The following OSBP2 variants were observed in gnomAD, a reference collection of about 807,000 sequenced individuals.
OSBP2 encodes the protein oxysterol binding protein 2.
In OSBP2, 66 loss-of-function variants were observed where a neutral mutation model predicts 96.0. The ratio of observed to expected loss-of-function variants is 0.69; its 90% CI spans 0.56 to 0.84. OSBP2 has a LOEUF of 0.84. Ranked by LOEUF, OSBP2 falls within the 40% of genes least tolerant of loss-of-function variation. The pLI, the probability that OSBP2 is intolerant of heterozygous loss-of-function variation, is 0.00. For synonymous variants in OSBP2, 525 were observed against 520.9 expected, an observed-to-expected ratio of 1.01 and a Z score of -0.11; for missense variants, 1,038 against 1,222.7, an observed-to-expected ratio of 0.85 and a Z score of 2.25.
chr22:30,793,415 C>T (rs1393117675), intron 2 of OSBP2, among the ~76,000 whole-genome samples: 8 of 152,018 alleles, frequency 5.3e-5, no homozygotes, highest in African/African-American at 1.9e-4. Flanking sequence ...CCAGTAATCC[C>T]AGCACTTTGG....
intron 2 of OSBP2, among the ~76,000 whole-genome samples, chr22:30,765,768 C>CT (rs1439657841): frequency 2.0e-5 from 3 of 152,178 alleles, no homozygotes; most frequent in Admixed American, 1.3e-4. Context: ...TGCATTGTAT[C>CT]TGAGTTTTTG....
chr22:30,822,430 C>T (rs1260857459), intron 2 of OSBP2: 4 of 1,058,496 alleles, frequency 3.8e-6, no homozygotes, highest in Non-Finnish European at 4.9e-6. Context: ...GGGCTCGGCT[C>T]CCGCGGCGCG....
At chr22:30,797,456 G>A (rs543560510) in intron 2 of OSBP2, among the ~76,000 whole-genome samples, 52 of 151,894 alleles carry the variant, frequency 3.4e-4, no homozygotes, top group African/African-American at 1.1e-3. Flanking sequence ...TTAATTTTTT[G>A]TATCTTTAGT....
chr22:30,874,567 C>T (rs1233259107), intron 3 of OSBP2, among the ~76,000 whole-genome samples: 3 of 152,162 alleles, frequency 2.0e-5, no homozygotes, highest in Non-Finnish European at 2.9e-5. Context: ...GAGCCCAGGA[C>T]CCACAGCTAG....
chr22:30,699,115 G>T (rs549682889), intron 1 of OSBP2, among the ~76,000 whole-genome samples: 3 of 151,666 alleles, frequency 2.0e-5, no homozygotes, highest in Admixed American at 1.3e-4. Flanking sequence ...CTAATTTTTT[G>T]TGTGTTTTTA....
At chr22:30,889,394 T>C (rs2039892590) in intron 6 of OSBP2, 96 bp from the exon 7 acceptor site, 1 of 1,499,846 alleles carries the variant, frequency 6.7e-7, no homozygotes, top group Non-Finnish European at 9.2e-7. Context: ...AGTGGCCGGC[T>C]TGGTGCCAGT....
chr22:30,907,302 C>G lies in OSBP2; in HGVS notation c.*963C>G, dbSNP rs1262146022. 1.3e-5 allele frequency: 2 copies of G among 152,010 alleles called. No homozygotes were observed. Among genetic ancestry groups the G allele is most frequent in the African/African-American group, 4.8e-5 (2 of 41,288 alleles). The allele number at this position is 152,010 out of a possible 1,614,324, so 9.4% of individuals were successfully genotyped here. On this transcript the variant is annotated 3_prime_UTR_variant, in exon 14 of 14. Transcript: ENST00000332585. ...GCCCCATCTCAGTGTCCCCTGAACT[C>G]TTTATTTGCCTAATTTATATATATA... is the stretch of plus-strand genomic sequence containing the variant.
Position 30,870,453 on chromosome 22 carries a change from C to G in OSBP2, c.878C>G (p.Ala293Gly). Residue 293 changes from alanine (A) to glycine (G), a missense_variant, in exon 3 of 14, where the codon GCT becomes GGT. Ala to Gly is a moderately conservative substitution (Grantham distance 60, BLOSUM62 0). This residue lies in a region of OSBP2 where 737 missense variants were observed against 913.3 expected (regional missense o/e 0.81). Transcript: ENST00000332585. This position sits in a 1 kb window ranked among gnomAD's most constrained non-coding sequence, Gnocchi z 4.1. ...GATGACTCTGGGGACGACGACGAGG[C>G]TACCACCCCAGCCGACAAGAGCGAG... ...HSDDSGDDDE[A>G]TTPADKSELH... 6.2e-7 allele frequency: 1 copy of G among 1,613,998 alleles called. No individual in the cohort carries two copies. Among genetic ancestry groups the G allele is most frequent in the Non-Finnish European group, 8.5e-7 (1 of 1,180,020 alleles).
Position 30,870,696 on chromosome 22 carries a change from C to T in OSBP2, c.1107+14C>T, listed in dbSNP as rs1370076133. On this transcript the variant is annotated intron_variant, in intron 3 of 13. Transcript: ENST00000332585. The surrounding 1 kb of genome is among the most constrained non-coding windows in gnomAD (Gnocchi z 4.1). The stretch of plus-strand genomic sequence containing the variant: ...GCTATGATCAACGTGAGTACCCACC[C>T]CCACCGCCCTGGCACGGGGCTCCCT... 2 of 1,606,720 alleles carry T rather than the reference C, an allele frequency of 1.2e-6. No homozygotes were observed. Among genetic ancestry groups the T allele is most frequent in the Admixed American group, 3.3e-5 (2 of 59,914 alleles).
rs1469163140 is a variant in OSBP2 at position 30,890,158 on chromosome 22, G to C, written c.1623+522G>C. The stretch of plus-strand genomic sequence containing the variant: ...TCCAGCCTCTGTGTCCACATGTGTA[G>C]GGTGGGGAGAAACACAGCGTCCTCT... On this transcript the variant is annotated intron_variant, in intron 7 of 13. Transcript: ENST00000332585. This position sits in a 1 kb window ranked among gnomAD's most constrained non-coding sequence, Gnocchi z 4.4. Among the ~76,000 whole-genome samples, 1 of 152,206 alleles carries C rather than the reference G, an allele frequency of 6.6e-6. No homozygotes were observed. Among genetic ancestry groups the C allele is most frequent in the African/African-American group, 2.4e-5 (1 of 41,436 alleles).
At chr22:30,706,930 G>A (rs751463111) in intron 1 of OSBP2, among the ~76,000 whole-genome samples, 1 of 152,002 alleles carries the variant, frequency 6.6e-6, no homozygotes, top group Non-Finnish European at 1.5e-5. Flanking sequence ...ATGCCTTTTT[G>A]TGTATTTCAT....
At chr22:30,762,954 T>TAGAA (rs2090224383) in intron 2 of OSBP2, among the ~76,000 whole-genome samples, 1 of 152,110 alleles carries the variant, frequency 6.6e-6, no homozygotes, top group African/African-American at 2.4e-5. Context: ...CAATCAAAGA[T>TAGAA]TTCTAAGTCA....
At chr22:30,889,079 C>A in intron 5 of OSBP2, 98 bp from the exon 6 acceptor site, 2 of 1,030,142 alleles carry the variant, frequency 1.9e-6, no homozygotes, top group South Asian at 1.5e-5. Flanking sequence ...AGGACATTTA[C>A]TAGCAATGAA....
intron 2 of OSBP2, among the ~76,000 whole-genome samples, chr22:30,866,770 T>G (rs2039348738): frequency 6.6e-6 from 1 of 152,000 alleles, no homozygotes; most frequent in Non-Finnish European, 1.5e-5. Context: ...GTGTGTTGTT[T>G]CAAGCCATTG....
At chr22:30,797,833 A>G (rs375870411) in intron 2 of OSBP2, among the ~76,000 whole-genome samples, 156 of 152,174 alleles carry the variant, frequency 1.0e-3, no homozygotes, top group Middle Eastern at 3.4e-3. Flanking sequence ...AGCTCAAGCA[A>G]TCCACCCACC....
intron 12 of OSBP2, among the ~76,000 whole-genome samples, chr22:30,901,860 C>G (rs77656001): frequency 2.0e-5 from 3 of 151,774 alleles, no homozygotes; most frequent in African/African-American, 7.3e-5. Context: ...GAAATTCTGT[C>G]CCCCCACAAA....
chr22:30,863,820 G>T (rs547864910), intron 2 of OSBP2, among the ~76,000 whole-genome samples: 1 of 152,328 alleles, frequency 6.6e-6, no homozygotes, highest in Non-Finnish European at 1.5e-5. Context: ...CCCCTATACT[G>T]CACTGATGCA....
chr22:30,828,805 A>G (rs2038459501), intron 2 of OSBP2, among the ~76,000 whole-genome samples: 1 of 152,166 alleles, frequency 6.6e-6, no homozygotes, highest in South Asian at 2.1e-4. Flanking sequence ...AGAGGTGGGC[A>G]GAGCAGGCTT....
chr22:30,704,793 G>T (rs1160327744), intron 1 of OSBP2, among the ~76,000 whole-genome samples: 6 of 152,124 alleles, frequency 3.9e-5, no homozygotes, highest in Non-Finnish European at 5.9e-5. Flanking sequence ...AAACAGTATA[G>T]GCACAGTGAG....
Sources: gnomAD v4.1 joint callset for allele counts (sites outside exome capture counted in the v4.1 genomes callset) on GRCh38, gnomAD v4.1.1 for gene constraint, gnomAD v4.1.1 regional missense constraint, Gnocchi (gnomAD v3.1) non-coding constraint, MANE v1.5 for transcripts, NCBI Gene and HGNC (gene_info 2026-07-23, HGNC 2026-07-21) for gene names.